The following DIAPH2 variants were observed in gnomAD, a reference collection of about 807,000 sequenced individuals.
DIAPH2 encodes the protein diaphanous related formin 2, also known as protein diaphanous homolog 2.
Under a neutral mutation model 92.7 loss-of-function variants are expected in DIAPH2, and 35 were observed. The ratio of observed to expected loss-of-function variants is 0.38; its 90% CI spans 0.29 to 0.50. The LOEUF is 0.50. Ranked by LOEUF, DIAPH2 falls within the 20% of genes least tolerant of loss-of-function variation. The probability of loss-of-function intolerance (pLI) is 0.94; values close to 1 mark genes in which losing one functional copy is unlikely to be tolerated. For synonymous variants in DIAPH2, 301 were observed against 280.4 expected, an observed-to-expected ratio of 1.07 and a Z score of -0.73; for missense variants, 701 against 819.5, an observed-to-expected ratio of 0.86 and a Z score of 1.77.
intron 4 of DIAPH2, among the ~76,000 whole-genome samples, chrX:96,791,189 A>G (rs766149706): frequency 3.1e-4 from 35 of 111,943 alleles, no homozygotes; most frequent in African/African-American, 7.1e-4. Flanking sequence ...ACAGAGAACT[A>G]CACCAAATGA....
chrX:96,925,372 T>G (rs1194365727), intron 9 of DIAPH2, among the ~76,000 whole-genome samples: 1 of 111,070 alleles, frequency 9.0e-6, no homozygotes, highest in Non-Finnish European at 1.9e-5. Flanking sequence ...AACATACTAG[T>G]CATCTTAGAA....
chrX:97,355,420 T>G (rs1467681670), intron 24 of DIAPH2, among the ~76,000 whole-genome samples: 2 of 109,370 alleles, frequency 1.8e-5, no homozygotes, highest in Admixed American at 9.9e-5. Context: ...AAAAAAAAAC[T>G]TCAGTATTAT....
At chrX:97,316,426 G>A (rs192896410) in intron 23 of DIAPH2, among the ~76,000 whole-genome samples, 227 of 103,971 alleles carry the variant, frequency 2.2e-3, no homozygotes, top group Non-Finnish European at 3.9e-3. Context: ...CGGATCACGA[G>A]GTCAGGAGTC....
intron 26 of DIAPH2, among the ~76,000 whole-genome samples, chrX:97,485,274 AT>A (rs1232542737): frequency 9.1e-6 from 1 of 109,821 alleles, no homozygotes; most frequent in East Asian, 2.9e-4. Context: ...AGATCACTAG[AT>A]TTTTTTTTTA....
intron 26 of DIAPH2, among the ~76,000 whole-genome samples, chrX:97,584,818 T>G (rs1014555621): frequency 8.9e-6 from 1 of 112,705 alleles, no homozygotes; most frequent in African/African-American, 3.2e-5. Flanking sequence ...CAGTACATAT[T>G]TACCACTCAA....
At chrX:97,264,442 C>T (rs1263542532) in intron 23 of DIAPH2, among the ~76,000 whole-genome samples, 1 of 111,665 alleles carries the variant, frequency 9.0e-6, no homozygotes, top group Non-Finnish European at 1.9e-5. Flanking sequence ...CAGACACACA[C>T]ACACACACAC....
At chrX:96,720,618 G>T (rs960281414) in intron 1 of DIAPH2, among the ~76,000 whole-genome samples, 3 of 111,372 alleles carry the variant, frequency 2.7e-5, no homozygotes, top group African/African-American at 9.8e-5. Context: ...GGTCATGCTG[G>T]CAGGGAAAAG....
intron 4 of DIAPH2, among the ~76,000 whole-genome samples, chrX:96,814,732 G>C (rs1334223340): frequency 8.9e-6 from 1 of 111,940 alleles, no homozygotes; most frequent in African/African-American, 3.3e-5. Flanking sequence ...CCTTTTTGTT[G>C]ATGTTGATGC....
chrX:97,284,900 C>T (rs945603145), intron 23 of DIAPH2, among the ~76,000 whole-genome samples: 5 of 111,612 alleles, frequency 4.5e-5, no homozygotes, highest in Non-Finnish European at 9.4e-5. Context: ...TGGCACAGAG[C>T]ACTCAATAGT....
chrX:97,273,175 T>TAATA (rs2068405224), intron 23 of DIAPH2, among the ~76,000 whole-genome samples: 1 of 111,713 alleles, frequency 9.0e-6, no homozygotes, highest in Non-Finnish European at 1.9e-5. Flanking sequence ...TAATAATAAA[T>TAATA]AATAAATAAA....
At chrX:96,780,339 A>C (rs1030963180) in intron 4 of DIAPH2, among the ~76,000 whole-genome samples, 35 of 111,891 alleles carry the variant, frequency 3.1e-4, no homozygotes, top group African/African-American at 1.1e-3. Context: ...AAAACTACTG[A>C]TCTTACAGAA....
intron 25 of DIAPH2, among the ~76,000 whole-genome samples, chrX:97,420,111 C>G (rs2069992869): frequency 9.0e-6 from 1 of 111,575 alleles, no homozygotes; most frequent in Non-Finnish European, 1.9e-5. Context: ...TCTCAATCTT[C>G]TAGCATATAG....
intron 1 of DIAPH2, among the ~76,000 whole-genome samples, chrX:96,705,635 C>T (rs1251510753): frequency 8.9e-6 from 1 of 111,901 alleles, no homozygotes; most frequent in East Asian, 2.8e-4. Flanking sequence ...TAACCATCTC[C>T]ACACTATTGA....
chrX:97,413,590 T>C (rs946946827), intron 25 of DIAPH2, among the ~76,000 whole-genome samples: 1 of 111,339 alleles, frequency 9.0e-6, no homozygotes, highest in Non-Finnish European at 1.9e-5. Context: ...GGTATTCAAT[T>C]AGGAAAAGAG....
intron 3 of DIAPH2, among the ~76,000 whole-genome samples, chrX:96,757,164 G>A (rs918600895): frequency 1.9e-4 from 21 of 110,565 alleles, no homozygotes; most frequent in African/African-American, 6.2e-4. Context: ...TGATCCACCC[G>A]CCTTGGCCTC....
intron 1 of DIAPH2, among the ~76,000 whole-genome samples, chrX:96,705,259 G>A (rs1416987343): frequency 9.0e-6 from 1 of 111,588 alleles, no homozygotes; most frequent in African/African-American, 3.3e-5. Context: ...GTGAGCCACT[G>A]TGCCTGGCCA....
At chrX:96,963,244 T>C (rs911447098) in intron 16 of DIAPH2, among the ~76,000 whole-genome samples, 6 of 111,199 alleles carry the variant, frequency 5.4e-5, no homozygotes, top group Non-Finnish European at 7.5e-5. Context: ...TGGGCTAGAG[T>C]GCTGGGACCT....
At chrX:97,363,781 G>A (rs1432256566) in intron 24 of DIAPH2, among the ~76,000 whole-genome samples, 4 of 108,610 alleles carry the variant, frequency 3.7e-5, no homozygotes, top group Admixed American at 1.0e-4. Context: ...ATAACATCCC[G>A]AAATGGGTTT....
chrX:97,103,311 G>A (rs1032590525), intron 20 of DIAPH2, among the ~76,000 whole-genome samples: 1 of 111,447 alleles, frequency 9.0e-6, no homozygotes, highest in Non-Finnish European at 1.9e-5. Context: ...ATAGATGGGT[G>A]GATGGATGAA....
Sources: allele counts gnomAD v4.1 joint callset (sites outside exome capture counted in the v4.1 genomes callset), GRCh38; gene constraint gnomAD v4.1.1; transcripts MANE v1.5; gene names NCBI Gene and HGNC (gene_info 2026-07-23, HGNC 2026-07-21).